Variants in NOS1AP observed in about 807,000 individuals in gnomAD.
NOS1AP encodes the protein nitric oxide synthase 1 adaptor protein.
NOS1AP carries 21 observed loss-of-function variants against 56.2 expected under a neutral mutation model. The observed-to-expected ratio is 0.37, with a 90% CI of 0.26 to 0.54. The LOEUF (loss-of-function observed/expected upper bound fraction) is 0.54, where lower values mean the gene tolerates loss of function less well. Ranked by LOEUF, NOS1AP falls within the 20% of genes least tolerant of loss-of-function variation. The pLI is 0.84. For synonymous variants in NOS1AP, 270 were observed against 274.6 expected (o/e 0.98, Z 0.17); for missense variants, 522 against 657.8 (o/e 0.79, Z 2.26).
At chr1:162,111,925 C>T (rs1393699588) in intron 1 of NOS1AP, among the ~76,000 whole-genome samples, 1 of 152,150 alleles carries the variant, frequency 6.6e-6, no homozygotes, top group Non-Finnish European at 1.5e-5. Flanking sequence ...GCCAGGGTGG[C>T]AGTCCATGGC....
At chr1:162,173,289 G>A (rs544237273) in intron 2 of NOS1AP, among the ~76,000 whole-genome samples, 1 of 152,080 alleles carries the variant, frequency 6.6e-6, no homozygotes, top group Non-Finnish European at 1.5e-5. Context: ...AGCCACCACA[G>A]CTGTCCTCCA....
intron 8 of NOS1AP, chr1:162,364,635 T>C: frequency 1.0e-6 from 1 of 985,544 alleles, no homozygotes; most frequent in Non-Finnish European, 1.2e-6. Context: ...ATTGTTCACC[T>C]CAGCCCTTCT....
chr1:162,083,429 C>T (rs1312984677), intron 1 of NOS1AP, among the ~76,000 whole-genome samples: 1 of 152,112 alleles, frequency 6.6e-6, no homozygotes, highest in African/African-American at 2.4e-5. Flanking sequence ...TATTTGGAGA[C>T]AGGGTCTCAC....
At chr1:162,299,638 A>G (rs1326544554) in intron 3 of NOS1AP, among the ~76,000 whole-genome samples, 1 of 152,198 alleles carries the variant, frequency 6.6e-6, no homozygotes, top group Non-Finnish European at 1.5e-5. Context: ...TTTTGGCTGT[A>G]ACTGAAGTTT....
chr1:162,311,523 G>T (rs1332634178), intron 4 of NOS1AP, among the ~76,000 whole-genome samples: 4 of 152,140 alleles, frequency 2.6e-5, no homozygotes, highest in Non-Finnish European at 5.9e-5. Flanking sequence ...GTACATATTA[G>T]CACATGTGTC....
chr1:162,150,586 T>C (rs546967517), intron 1 of NOS1AP, among the ~76,000 whole-genome samples: 53 of 152,352 alleles, frequency 3.5e-4, no homozygotes, highest in African/African-American at 1.2e-3. Flanking sequence ...ATTGATAGTA[T>C]ACGAGGGTTC....
intron 2 of NOS1AP, among the ~76,000 whole-genome samples, chr1:162,283,272 T>C (rs976015682): frequency 2.0e-5 from 3 of 152,170 alleles, no homozygotes; most frequent in Non-Finnish European, 4.4e-5. Flanking sequence ...GAGGAGCATC[T>C]GATGGCCCCA....
In NOS1AP at chr1:162,355,320, A is replaced by C. The variant is rs781108751; in HGVS notation, c.729A>C (p.Val243=). The change falls in exon 7 of 10, where the codon GTA becomes GTC. Residue 243 remains valine (V), a synonymous_variant. Coordinates refer to ENST00000361897, the MANE Select transcript of NOS1AP (RefSeq NM_014697.3). ...GAGGTGTGACTGATCTAGATGCTGT[A>C]GGGAAGGAAGGAGGCTCTCACACAG... ...FSRGVTDLDA[V]GKEGGSHTGS... is the part of the protein sequence containing the mutation. The C allele has an allele frequency of 1.2e-6, 2 of 1,614,166 alleles. No individual in the cohort carries two copies. Among genetic ancestry groups the C allele is most frequent in the Non-Finnish European group, 1.7e-6 (2 of 1,180,026 alleles).
chr1:162,215,556 G>C (rs767997840), intron 2 of NOS1AP, among the ~76,000 whole-genome samples: 2 of 152,334 alleles, frequency 1.3e-5, no homozygotes, highest in Middle Eastern at 6.8e-3. Context: ...GGCAGGCACT[G>C]TATTATGCTT....
intron 2 of NOS1AP, among the ~76,000 whole-genome samples, chr1:162,258,242 G>A (rs997704730): frequency 5.3e-5 from 8 of 152,050 alleles, no homozygotes; most frequent in Admixed American, 1.3e-4. Flanking sequence ...ATAATTATTG[G>A]ACATCCATCT....
At chr1:162,085,524 A>G (rs1378397472) in intron 1 of NOS1AP, among the ~76,000 whole-genome samples, 2 of 152,150 alleles carry the variant, frequency 1.3e-5, no homozygotes, top group African/African-American at 2.4e-5. Flanking sequence ...ACTCCCTCAT[A>G]AATTCTTATT....
intron 1 of NOS1AP, among the ~76,000 whole-genome samples, chr1:162,145,421 C>T (rs1051819070): frequency 1.3e-5 from 2 of 152,172 alleles, no homozygotes; most frequent in African/African-American, 4.8e-5. Context: ...GTGGGATACC[C>T]TGACGCAACT....
chr1:162,160,908 G>T (rs1174464160), intron 2 of NOS1AP, among the ~76,000 whole-genome samples: 1 of 152,158 alleles, frequency 6.6e-6, no homozygotes, highest in Non-Finnish European at 1.5e-5. Flanking sequence ...CAAGGAGTTG[G>T]CAGGGCTGCG....
At chr1:162,118,195 G>A (rs894089624) in intron 1 of NOS1AP, among the ~76,000 whole-genome samples, 16 of 152,070 alleles carry the variant, frequency 1.1e-4, no homozygotes, top group African/African-American at 2.7e-4. Flanking sequence ...AATGAATTCC[G>A]TCACCCAAGC....
intron 4 of NOS1AP, among the ~76,000 whole-genome samples, chr1:162,311,517 A>G (rs1397690518): frequency 6.6e-6 from 1 of 152,038 alleles, no homozygotes; most frequent in Non-Finnish European, 1.5e-5. Context: ...TTATATGTAC[A>G]TATTAGCACA....
At chr1:162,091,786 C>T (rs1196456461) in intron 1 of NOS1AP, among the ~76,000 whole-genome samples, 1 of 152,174 alleles carries the variant, frequency 6.6e-6, no homozygotes, top group Non-Finnish European at 1.5e-5. Context: ...CTTTACACAG[C>T]CCAGGAGCAT....
chr1:162,348,490 T>C (rs929922006), intron 6 of NOS1AP, among the ~76,000 whole-genome samples: 1 of 152,208 alleles, frequency 6.6e-6, no homozygotes, highest in Non-Finnish European at 1.5e-5. Flanking sequence ...ATTACCTTTT[T>C]GGAGATAGTT....
chr1:162,105,592 A>G (rs902442880), intron 1 of NOS1AP, among the ~76,000 whole-genome samples: 14 of 152,172 alleles, frequency 9.2e-5, no homozygotes, highest in Non-Finnish European at 1.9e-4. Context: ...CTCTCTGTAG[A>G]ACCCTTGCTG....
At chr1:162,165,556 G>A (rs948840743) in intron 2 of NOS1AP, among the ~76,000 whole-genome samples, 2 of 152,138 alleles carry the variant, frequency 1.3e-5, no homozygotes, top group African/African-American at 4.8e-5. Flanking sequence ...GCCATAGCTC[G>A]CAGAGGTGGT....
Sources: allele counts gnomAD v4.1 joint callset (sites outside exome capture counted in the v4.1 genomes callset), GRCh38; gene constraint gnomAD v4.1.1; transcripts MANE v1.5; gene names NCBI Gene and HGNC (gene_info 2026-07-23, HGNC 2026-07-21).